Variants in DEPDC1B observed in about 807,000 individuals in gnomAD.
DEPDC1B encodes DEP domain-containing protein 1B.
In DEPDC1B, 51 loss-of-function variants were observed where a neutral mutation model predicts 66.5. The ratio of observed to expected loss-of-function variants is 0.77; its 90% CI spans 0.61 to 0.97. The LOEUF (loss-of-function observed/expected upper bound fraction) is 0.97. Ranked by LOEUF, DEPDC1B falls within the 50% of genes least tolerant of loss-of-function variation. The pLI, the probability that DEPDC1B is intolerant of heterozygous loss-of-function variation, is 0.00. For synonymous variants in DEPDC1B, 226 were observed against 223.6 expected (o/e 1.01, Z -0.10); for missense variants, 552 against 637.1 (o/e 0.87, Z 1.44).
intron 8 of DEPDC1B, among the ~76,000 whole-genome samples, chr5:60,605,109 TGC>T (rs1752282250): frequency 1.3e-5 from 2 of 152,080 alleles, no homozygotes. Context: ...TAAAAACATA[TGC>T]CAATAGAAGC....
chr5:60,644,901 T>C (rs1753274961), intron 4 of DEPDC1B, 26 bp from the exon 5 acceptor site: 2 of 1,518,688 alleles, frequency 1.3e-6, no homozygotes, highest in East Asian at 4.7e-5. Flanking sequence ...TTATATTAAT[T>C]AGTTCTGTCT....
chr5:60,629,771 A>G (rs1390414674), intron 7 of DEPDC1B, among the ~76,000 whole-genome samples: 3 of 152,184 alleles, frequency 2.0e-5, no homozygotes, highest in Non-Finnish European at 4.4e-5. Context: ...GTTAGATAAC[A>G]ACCCTTTCAG....
chr5:60,616,842 C>T (rs1752567186), intron 7 of DEPDC1B, among the ~76,000 whole-genome samples: 1 of 152,140 alleles, frequency 6.6e-6, no homozygotes, highest in Non-Finnish European at 1.5e-5. Flanking sequence ...TTGTCAGATT[C>T]ACCAAAGTTG....
intron 2 of DEPDC1B, among the ~76,000 whole-genome samples, chr5:60,656,879 C>T (rs899524666): frequency 2.6e-5 from 4 of 152,176 alleles, no homozygotes; most frequent in Non-Finnish European, 4.4e-5. Context: ...GGTGAGAACA[C>T]AGAGCCAAAC....
At chr5:60,688,354 T>G (rs564518468) in intron 1 of DEPDC1B, among the ~76,000 whole-genome samples, 10 of 152,192 alleles carry the variant, frequency 6.6e-5, no homozygotes, top group African/African-American at 2.4e-4. Flanking sequence ...AAAAGTAGAC[T>G]GGGTAGAGAG....
intron 2 of DEPDC1B, among the ~76,000 whole-genome samples, chr5:60,672,442 G>A (rs1205350930): frequency 1.3e-5 from 2 of 152,164 alleles, no homozygotes; most frequent in African/African-American, 4.8e-5. Context: ...TCACAAGGTG[G>A]CAGGAGAGAA....
chr5:60,621,708 A>C (rs535168917), intron 7 of DEPDC1B, among the ~76,000 whole-genome samples: 1 of 152,340 alleles, frequency 6.6e-6, no homozygotes, highest in East Asian at 1.9e-4. Context: ...ATTAAAAGAA[A>C]AAAAGAAAGA....
At chr5:60,628,989 T>C (rs551676658) in intron 7 of DEPDC1B, among the ~76,000 whole-genome samples, 1 of 152,332 alleles carries the variant, frequency 6.6e-6, no homozygotes, top group Admixed American at 6.5e-5. Flanking sequence ...AAGTAGCTTG[T>C]GTAGGATTCC....
chr5:60,699,456 A>C (rs1244772987), intron 1 of DEPDC1B, among the ~76,000 whole-genome samples: 1 of 68,408 alleles, frequency 1.5e-5, no homozygotes, highest in Non-Finnish European at 3.3e-5. Context: ...AAAAAAAAAA[A>C]AAAAAACAGG....
chr5:60,687,771 C>T, intron 1 of DEPDC1B: 1 of 197,574 alleles, frequency 5.1e-6, no homozygotes. Context: ...AGTGATCCAG[C>T]CGCCTCAGCC....
Position 60,645,600 on chromosome 5 carries a change from T to C in DEPDC1B, c.470A>G (p.Lys157Arg). 6.2e-7 allele frequency: 1 copy of C among 1,610,968 alleles called. No individual in the cohort carries two copies. The highest frequency in any genetic ancestry group is 8.5e-7 in the Non-Finnish European group (1 of 1,178,736). ...CTCTCCAATTGCAATACTGTGACGCTTGTACCACATCTCAGAATTCTAATG... is the reference window on the plus strand; with the variant it reads ...CTCTCCAATTGCAATACTGTGACGCCTGTACCACATCTCAGAATTCTAATG... ...PVVMNSEMWY[K>R]RHSIAIGEVP... is the part of the protein sequence containing the mutation. The change falls in exon 4 of 11, where the codon AAG becomes AGG. Residue 157 changes from lysine to arginine, a missense_variant. Coordinates refer to ENST00000265036, the MANE Select transcript of DEPDC1B (RefSeq NM_018369.3).
At chr5:60,676,542 C>T (rs1425834675) in intron 2 of DEPDC1B, among the ~76,000 whole-genome samples, 1 of 152,176 alleles carries the variant, frequency 6.6e-6, no homozygotes, top group Non-Finnish European at 1.5e-5. Context: ...CCAAATGTAT[C>T]CCTCATGATT....
At chr5:60,635,506 G>A (rs1753023551) in intron 7 of DEPDC1B, among the ~76,000 whole-genome samples, 1 of 152,206 alleles carries the variant, frequency 6.6e-6, no homozygotes, top group Non-Finnish European at 1.5e-5. Context: ...ACAGCAAAGA[G>A]CTATTATCTC....
intron 7 of DEPDC1B, among the ~76,000 whole-genome samples, chr5:60,613,163 T>G (rs546049420): frequency 6.6e-6 from 1 of 152,320 alleles, no homozygotes; most frequent in East Asian, 1.9e-4. Flanking sequence ...GGTGCTAAGA[T>G]AGGGCAACTA....
chr5:60,686,034 C>A (rs575356296), intron 2 of DEPDC1B, among the ~76,000 whole-genome samples: 1 of 152,300 alleles, frequency 6.6e-6, no homozygotes, highest in South Asian at 2.1e-4. Flanking sequence ...TATGCACTCA[C>A]GACAGACAGT....
At chr5:60,656,159 A>ATT (rs59421459) in intron 2 of DEPDC1B, among the ~76,000 whole-genome samples, 23 of 125,920 alleles carry the variant, frequency 1.8e-4, no homozygotes, top group Admixed American at 3.1e-4. Flanking sequence ...GTTTAAGTCC[A>ATT]TTTTTTTTTT....
intron 7 of DEPDC1B, among the ~76,000 whole-genome samples, chr5:60,626,503 T>C (rs987748310): frequency 1.3e-5 from 2 of 152,182 alleles, no homozygotes; most frequent in Non-Finnish European, 2.9e-5. Flanking sequence ...CCAAACTGTT[T>C]TACCAAACGG....
At chr5:60,655,571 C>G (rs888537036) in intron 2 of DEPDC1B, among the ~76,000 whole-genome samples, 1 of 148,984 alleles carries the variant, frequency 6.7e-6, no homozygotes, top group Non-Finnish European at 1.5e-5. Flanking sequence ...TTCCAAAGAA[C>G]CAGCTTTTTG....
intron 9 of DEPDC1B, among the ~76,000 whole-genome samples, chr5:60,602,927 G>C (rs914112749): frequency 1.3e-5 from 2 of 152,302 alleles, no homozygotes; most frequent in African/African-American, 4.8e-5. Context: ...AGGCAATATG[G>C]AATGATAGTT....
Sources: allele counts gnomAD v4.1 joint callset (sites outside exome capture counted in the v4.1 genomes callset), GRCh38; gene constraint gnomAD v4.1.1; transcripts MANE v1.5; gene names NCBI Gene and HGNC (gene_info 2026-07-23, HGNC 2026-07-21).